Variants in MRPL45 observed in about 807,000 individuals in gnomAD.
MRPL45 encodes the protein large ribosomal subunit protein mL45.
Under a neutral mutation model 38.1 loss-of-function variants are expected in MRPL45, and 20 were observed. The ratio of observed to expected loss-of-function variants is 0.53; its 90% confidence interval spans 0.37 to 0.76. The LOEUF (loss-of-function observed/expected upper bound fraction) is 0.76. MRPL45 is among the 30% of genes least tolerant of loss of function. MRPL45 has a pLI of 0.00. For synonymous variants in MRPL45, 105 were observed against 128.8 expected, an observed-to-expected ratio of 0.82 and a Z score of 1.25; for missense variants, 337 against 395.6, an observed-to-expected ratio of 0.85 and a Z score of 1.26.
In MRPL45 at chr17:38,297,193, C is replaced by T. The variant is rs572037194; in HGVS notation, c.10C>T (p.Pro4Ser). 8.7e-6 allele frequency: 14 copies of T among 1,614,242 alleles called. No homozygotes were observed. Among genetic ancestry groups the T allele is most frequent in the South Asian group, 4.4e-5 (4 of 91,088 alleles). Residue 4 changes from proline (P) to serine (S), a missense_variant, in exon 1 of 8, where the codon CCC becomes TCC. This residue lies in a region of MRPL45 where 26 missense variants were observed against 16.9 expected (regional missense o/e 1.54). Transcript: ENST00000613675. ...CCTTTGCGGGAACAAGATGGCAGCC[C>T]CCATACCTCAAGGGTTCTCTTGTTT... MAA[P>S]IPQGFSCLSR... is the part of the protein sequence containing the mutation.
At chr17:38,308,622 A>G (rs1331888224) in intron 4 of MRPL45, among the ~76,000 whole-genome samples, 1 of 150,418 alleles carries the variant, frequency 6.6e-6, no homozygotes, top group Non-Finnish European at 1.5e-5. Context: ...TGTATTTTTA[A>G]TAGAGACGGA....
intron 4 of MRPL45, among the ~76,000 whole-genome samples, chr17:38,310,808 G>A (rs1485404458): frequency 6.6e-6 from 1 of 152,044 alleles, no homozygotes; most frequent in Non-Finnish European, 1.5e-5. Flanking sequence ...ATTTTTTGTA[G>A]AGACAGGGTC....
chr17:38,312,193 C>T (rs1326974864), intron 4 of MRPL45, among the ~76,000 whole-genome samples: 1 of 151,786 alleles, frequency 6.6e-6, no homozygotes, highest in East Asian at 1.9e-4. Context: ...ATTACAGACG[C>T]CTGCCATCAC....
intron 3 of MRPL45, among the ~76,000 whole-genome samples, chr17:38,303,560 C>T (rs1447471250): frequency 6.6e-6 from 1 of 151,960 alleles, no homozygotes; most frequent in Non-Finnish European, 1.5e-5. Context: ...TCCCAAAGTG[C>T]TAGGATTACA....
rs1412989953 is a variant in MRPL45, at chr17:38,322,645, G to C, written c.*50G>C. On this transcript the variant is annotated 3_prime_UTR_variant, in exon 8 of 8. Transcript: ENST00000613675. Reference sequence around the variant, plus strand: ...AGCCTGGGTGATGAGGCTGCTGGAAGCTTTGAAGTCTCCCATTCCCCTCAT... The same window carrying C: ...AGCCTGGGTGATGAGGCTGCTGGAACCTTTGAAGTCTCCCATTCCCCTCAT... The C allele has an allele frequency of 4.2e-6, 6 of 1,424,808 alleles. No individual in the cohort carries two copies. The highest frequency in any genetic ancestry group is 4.9e-6 in the Non-Finnish European group (5 of 1,019,324). The allele number at this position is 1,424,808 out of a possible 1,614,324, so 88.3% of individuals were successfully genotyped here.
At chr17:38,298,261 GCTAA>G (rs1396476386) in intron 1 of MRPL45, among the ~76,000 whole-genome samples, 184 bp from the exon 2 acceptor site, 2 of 152,008 alleles carry the variant, frequency 1.3e-5, no homozygotes, top group African/African-American at 4.8e-5. Context: ...AATAAAGGTT[GCTAA>G]CTGTCTTCTA....
chr17:38,304,845 A>G (rs1395365445), intron 3 of MRPL45, among the ~76,000 whole-genome samples: 3 of 75,906 alleles, frequency 4.0e-5, no homozygotes, highest in Admixed American at 3.7e-4. Context: ...CCCGGCCGTA[A>G]CTTCCTTTTT....
At chr17:38,311,012 G>A (rs1453582259) in intron 4 of MRPL45, among the ~76,000 whole-genome samples, 1 of 151,690 alleles carries the variant, frequency 6.6e-6, no homozygotes, top group Non-Finnish European at 1.5e-5. Context: ...TATATTTATG[G>A]TAAAATACAC....
At chr17:38,317,717 G>A (rs1193778926) in intron 4 of MRPL45, among the ~76,000 whole-genome samples, 4 of 151,750 alleles carry the variant, frequency 2.6e-5, no homozygotes, top group Admixed American at 6.6e-5. Flanking sequence ...GACTACAGGC[G>A]CCTGCTACTA....
intron 4 of MRPL45, among the ~76,000 whole-genome samples, chr17:38,317,469 G>GTGTGTATCTCAAAC (rs1220284581): frequency 2.4e-4 from 36 of 152,314 alleles, no homozygotes; most frequent in Admixed American, 2.1e-3. Context: ...TCTGAAAGAA[G>GTGTGTATCTCAAAC]CTAATCTATG....
chr17:38,316,399 A>C (rs2037173250), intron 4 of MRPL45, among the ~76,000 whole-genome samples: 1 of 151,794 alleles, frequency 6.6e-6, no homozygotes, highest in Non-Finnish European at 1.5e-5. Context: ...TGTTTTTCTG[A>C]TTTCATTACT....
rs367983742 is a variant in MRPL45, at chr17:38,322,232, A to G, written c.767A>G (p.Tyr256Cys). 27 of 1,613,982 alleles carry G rather than the reference A, an allele frequency of 1.7e-5. No homozygotes were observed. Among genetic ancestry groups the G allele is most frequent in the East Asian group, 2.2e-5 (1 of 44,882 alleles). ...VVFEKQLTNP[Y>C]GSWRMHTKIV... ...TTCGAAAAGCAGTTGACAAACCCCTATGGAAGCTGGAGAATGCATACCAAG... is the reference window on the plus strand; with the variant it reads ...TTCGAAAAGCAGTTGACAAACCCCTGTGGAAGCTGGAGAATGCATACCAAG... Residue 256 changes from tyrosine (Y) to cysteine (C), a missense_variant, in exon 7 of 8, where the codon TAT becomes TGT. By Grantham distance (194) the Tyr-to-Cys change is radical. Transcript: ENST00000613675.
intron 5 of MRPL45, 92 bp downstream of exon 5, chr17:38,318,827 CTTTTTTTT>C (rs71138606): frequency 1.7e-5 from 2 of 120,660 alleles, no homozygotes; most frequent in Admixed American, 4.8e-4. Flanking sequence ...CTTTTCTTTT[CTTTTTTTT>C]TTTTTTTTTG....
intron 4 of MRPL45, among the ~76,000 whole-genome samples, chr17:38,314,678 A>T (rs552895799): frequency 1.3e-5 from 2 of 151,878 alleles, no homozygotes; most frequent in Admixed American, 6.6e-5. Context: ...TTTTTTTTGC[A>T]TGAGAATATT....
rs766191288 is a variant in MRPL45 at position 38,322,736 on chromosome 17, A to G, written c.*141A>G. On this transcript the variant is annotated 3_prime_UTR_variant, in exon 8 of 8. Transcript: ENST00000613675. ...AGGTCTTTTCAGCAGTCTCATCATC[A>G]GCAACCATGACTGATGACTGGGCCC... is the stretch of plus-strand genomic sequence containing the variant. 1 of 652,876 alleles carries G rather than the reference A, an allele frequency of 1.5e-6. No homozygotes were observed. The highest frequency in any genetic ancestry group is 2.6e-6 in the Non-Finnish European group (1 of 381,544). 40.4% of individuals were successfully genotyped at this position (652,876 alleles called of 1,614,324 possible). A position where few individuals can be genotyped will look rare whatever the true frequency, so the allele number is the denominator to read the frequency against.
Position 38,320,649 on chromosome 17 carries a change from T to C in MRPL45, c.542T>C (p.Val181Ala). ...DMTWDIKYKT[V>A]RWSFVESLEP... ...ACTTGGGACATCAAATATAAGACCG[T>C]CCGCTGGAGCTTTGTGGAATCTTTA... Residue 181 changes from valine (V) to alanine (A), a missense_variant, in exon 6 of 8, where the codon GTC (valine) becomes GCC (alanine). Val to Ala is a moderately conservative substitution (Grantham distance 64). Transcript: ENST00000613675. 6.2e-7 allele frequency: 1 copy of C among 1,614,134 alleles called. No homozygotes were observed. Among genetic ancestry groups the C allele is most frequent in the South Asian group, 1.1e-5 (1 of 91,070 alleles).
intron 5 of MRPL45, 151 bp from the exon 6 acceptor site, chr17:38,320,467 G>C: frequency 1.3e-6 from 1 of 751,932 alleles, no homozygotes; most frequent in Non-Finnish European, 2.2e-6. Context: ...AACTTGAGAA[G>C]GTGCAAGAGA....
At chr17:38,322,068 C>A in intron 6 of MRPL45, 58 bp from the exon 7 acceptor site, 16 of 1,477,050 alleles carry the variant, frequency 1.1e-5, no homozygotes, top group South Asian at 2.5e-5. Flanking sequence ...ATAAAACAAA[C>A]AACTCACACT....
chr17:38,306,357 C>T (rs542638822), intron 3 of MRPL45, among the ~76,000 whole-genome samples, 176 bp from the exon 4 acceptor site: 5 of 148,832 alleles, frequency 3.4e-5, no homozygotes, highest in African/African-American at 7.4e-5. Context: ...TGCAGTGAGC[C>T]GAGATCATGC....
Sources: allele counts gnomAD v4.1 joint callset (sites outside exome capture counted in the v4.1 genomes callset), GRCh38; gene constraint gnomAD v4.1.1; regional missense constraint gnomAD v4.1.1; transcripts MANE v1.5; gene names NCBI Gene and HGNC (gene_info 2026-07-23, HGNC 2026-07-21).